The following PGM5 variants were observed in gnomAD, a reference collection of about 807,000 sequenced individuals.
PGM5 encodes phosphoglucomutase 5, also known as phosphoglucomutase-like protein 5.
Under a neutral mutation model 59.2 loss-of-function variants are expected in PGM5, and 23 were observed. The observed-to-expected ratio is 0.39, with a 90% CI of 0.28 to 0.55. PGM5 has a LOEUF of 0.55. Among genes scored for constraint, PGM5 ranks in the 20% least tolerant of loss-of-function variants. The pLI is 0.66. For synonymous variants in PGM5, 214 were observed against 286.0 expected (o/e 0.75, Z 2.54); for missense variants, 574 against 748.3 (o/e 0.77, Z 2.72).
intron 6 of PGM5, among the ~76,000 whole-genome samples, chr9:68,404,788 C>A (rs1822763941): frequency 1.3e-5 from 2 of 152,246 alleles, no homozygotes; most frequent in East Asian, 3.9e-4. Flanking sequence ...CAAGATCCAC[C>A]AGGACTCACA....
At chr9:68,446,082 G>A (rs550444403) in intron 6 of PGM5, among the ~76,000 whole-genome samples, 1 of 152,312 alleles carries the variant, frequency 6.6e-6, no homozygotes, top group African/African-American at 2.4e-5. Flanking sequence ...TTTGAGGCAA[G>A]ATAGAAGAGA....
chr9:68,439,010 G>A (rs1192763690), intron 6 of PGM5, among the ~76,000 whole-genome samples: 1 of 152,144 alleles, frequency 6.6e-6, no homozygotes, highest in Non-Finnish European at 1.5e-5. Context: ...ACAGACTAGG[G>A]AGAAACACTG....
chr9:68,375,448 A>G (rs1821854637), intron 1 of PGM5, among the ~76,000 whole-genome samples: 1 of 152,242 alleles, frequency 6.6e-6, no homozygotes, highest in South Asian at 2.1e-4. Context: ...TGTTGGCTTT[A>G]GCCTAGTCCA....
chr9:68,523,440 T>C (rs904537959), intron 10 of PGM5, among the ~76,000 whole-genome samples: 1 of 152,160 alleles, frequency 6.6e-6, no homozygotes, highest in Admixed American at 6.5e-5. Flanking sequence ...TACTGGTGCA[T>C]GTTCAAGTTC....
intron 6 of PGM5, among the ~76,000 whole-genome samples, chr9:68,462,859 A>G (rs1823878085): frequency 6.6e-6 from 1 of 152,114 alleles, no homozygotes; most frequent in South Asian, 2.1e-4. Context: ...GATGAAATTC[A>G]TGTTATTCTG....
At chr9:68,370,127 G>T (rs1477909205) in intron 1 of PGM5, among the ~76,000 whole-genome samples, 1 of 152,048 alleles carries the variant, frequency 6.6e-6, no homozygotes, top group African/African-American at 2.4e-5. Context: ...GGTGGAGGCT[G>T]TATGGTCCTG....
chr9:68,505,537 A>G (rs1217973174), intron 10 of PGM5, among the ~76,000 whole-genome samples: 2 of 152,146 alleles, frequency 1.3e-5, no homozygotes, highest in African/African-American at 4.8e-5. Context: ...CAGATTTAAT[A>G]ATTCACTAGA....
intron 10 of PGM5, among the ~76,000 whole-genome samples, chr9:68,516,538 C>T (rs535386795): frequency 6.6e-5 from 10 of 152,288 alleles, no homozygotes; most frequent in East Asian, 1.9e-4. Context: ...ACTCTTCTCC[C>T]GGAGAAGCAG....
In PGM5 at chr9:68,422,946, C is replaced by A. The variant is rs149857004; in HGVS notation, c.1043+30473C>A. Among the ~76,000 whole-genome samples the A allele has an allele frequency of 3.3e-5, 5 of 152,308 alleles. No individual in the cohort carries two copies. The East Asian group carries it at 9.6e-4, about 29-fold the overall frequency. Reference sequence around the variant, plus strand: ...ATGCCTTTGCATCCTCATAGCTTAGCTCCCACTTAGGAGTGAGAATATACC... The same window carrying A: ...ATGCCTTTGCATCCTCATAGCTTAGATCCCACTTAGGAGTGAGAATATACC... On this transcript the variant is annotated intron_variant, in intron 6 of 10. Transcript: ENST00000396396.
intron 9 of PGM5, among the ~76,000 whole-genome samples, chr9:68,492,996 T>C (rs1824422753): frequency 6.6e-6 from 1 of 152,230 alleles, no homozygotes; most frequent in African/African-American, 2.4e-5. Flanking sequence ...CTTCCAAGGC[T>C]GTCCTGTCTC....
At chr9:68,529,453 C>T in intron 10 of PGM5, 114 bp from the exon 11 acceptor site, 1 of 749,034 alleles carries the variant, frequency 1.3e-6, no homozygotes, top group Non-Finnish European at 2.3e-6. Context: ...ATGAAGACTG[C>T]CTGTAAACAG....
At chr9:68,361,721 GC>G (rs1563979872) in intron 1 of PGM5, among the ~76,000 whole-genome samples, 1 of 152,108 alleles carries the variant, frequency 6.6e-6, no homozygotes, top group Non-Finnish European at 1.5e-5. Flanking sequence ...CCGCCTAAAG[GC>G]CCCACCTTTT....
Position 68,483,945 on chromosome 9 carries a change from T to C in PGM5, c.1376T>C (p.Phe459Ser), listed in dbSNP as rs782345591. 2.5e-6 allele frequency: 4 copies of C among 1,614,144 alleles called. No homozygotes were observed. The highest frequency in any genetic ancestry group is 3.4e-6 in the Non-Finnish European group (4 of 1,180,004). The stretch of plus-strand genomic sequence containing the variant: ...GAGGCCCTGGTCACAGACAAATCCT[T>C]CATTGGCCAGCAGTTTGCTGTGGGG... ...DLEALVTDKS[F>S]IGQQFAVGSH... The change falls in exon 9 of 11, where the codon TTC (phenylalanine) becomes TCC (serine). Residue 459 changes from phenylalanine (F) to serine (S), a missense_variant. Physicochemically the swap from Phe to Ser is radical, Grantham distance 155 (BLOSUM62 -2). Around this residue, in one of 7 missense-constraint regions of PGM5, gnomAD observed 300 missense variants for 280.0 expected, o/e 1.07. Transcript: ENST00000396396.
intron 6 of PGM5, among the ~76,000 whole-genome samples, chr9:68,463,180 A>G (rs1564012013): frequency 6.7e-6 from 1 of 149,464 alleles, no homozygotes; most frequent in African/African-American, 2.5e-5. Flanking sequence ...GAGTTTCTAG[A>G]TGTTTTTTTT....
chr9:68,423,147 C>G (rs1324333628), intron 6 of PGM5, among the ~76,000 whole-genome samples: 1 of 151,972 alleles, frequency 6.6e-6, no homozygotes, highest in African/African-American at 2.4e-5. Flanking sequence ...GGGTTGGTTC[C>G]ATGTTTTTCC....
intron 6 of PGM5, among the ~76,000 whole-genome samples, chr9:68,420,318 G>C (rs1554682268): frequency 6.6e-6 from 1 of 152,114 alleles, no homozygotes; most frequent in Non-Finnish European, 1.5e-5. Flanking sequence ...AAAATTCTCT[G>C]CTTGTGATCT....
chr9:68,387,132 AT>A (rs1166919647), intron 3 of PGM5, among the ~76,000 whole-genome samples: 2 of 151,612 alleles, frequency 1.3e-5, no homozygotes, highest in African/African-American at 4.8e-5. Context: ...TGCTGTGTGC[AT>A]TTTTTTGGGA....
At chr9:68,438,537 T>A (rs552777122) in intron 6 of PGM5, among the ~76,000 whole-genome samples, 1 of 152,278 alleles carries the variant, frequency 6.6e-6, no homozygotes, top group South Asian at 2.1e-4. Context: ...TTGAGTAAGA[T>A]GGAGTAAGCA....
intron 9 of PGM5, among the ~76,000 whole-genome samples, chr9:68,488,604 T>C (rs1254359644): frequency 6.6e-6 from 1 of 152,120 alleles, no homozygotes; most frequent in Non-Finnish European, 1.5e-5. Flanking sequence ...GCATGTTTGG[T>C]TTCATGGGAT....
Sources: gnomAD v4.1 joint callset for allele counts (sites outside exome capture counted in the v4.1 genomes callset) on GRCh38, gnomAD v4.1.1 for gene constraint, gnomAD v4.1.1 regional missense constraint, MANE v1.5 for transcripts, NCBI Gene and HGNC (gene_info 2026-07-23, HGNC 2026-07-21) for gene names.